TLR5: variants seen among roughly 807,000 people sequenced by gnomAD.
TLR5 encodes the protein toll-like receptor 5.
For missense variants in TLR5, 944 were observed against 999.8 expected (o/e 0.94, Z 0.75); for synonymous variants, 373 against 384.4 (o/e 0.97, Z 0.35).
Position 223,110,932 on chromosome 1 carries a change from G to T in TLR5, c.2100C>A (p.Ser700Arg), listed in dbSNP as rs1272582650. 6.2e-7 allele frequency: 1 copy of T among 1,614,124 alleles called. No homozygotes were observed. Among genetic ancestry groups the T allele is most frequent in the Non-Finnish European group, 8.5e-7 (1 of 1,180,060 alleles). Residue 700 changes from serine (S) to arginine (R), a missense_variant, in exon 6 of 6, where the codon AGC (serine) becomes AGA (arginine). Transcript: ENST00000642603. ...TCTGCACCCATGTGAAGTCTTTGCT[G>T]CTGAAGCACAAATAGGCATCATATT... Reference protein sequence around the residue: ...MYKYDAYLCFSSKDFTWVQNA... With the variant: ...MYKYDAYLCFRSKDFTWVQNA...
intron 3 of TLR5, among the ~76,000 whole-genome samples, chr1:223,136,471 G>A (rs1657618461): frequency 6.6e-6 from 1 of 152,192 alleles, no homozygotes; most frequent in Non-Finnish European, 1.5e-5. Flanking sequence ...AGAAAATAGA[G>A]GAGAGGCAGT....
At position 223,111,402 on chromosome 1, in the gene TLR5, T is replaced by C; in HGVS notation, c.1630A>G (p.Asn544Asp). ...NSNRLTVLSHNDLPANLEILD... is the reference protein window; with the variant it reads ...NSNRLTVLSHDDLPANLEILD... ...ATCTCTAAATTAGCAGGTAAATCAT[T>C]GTGAGAAAGAACTGTCAGCCTGTTG... The change falls in exon 6 of 6, where the codon AAT (asparagine) becomes GAT (aspartate). Residue 544 changes from asparagine to aspartate, a missense_variant. Asn to Asp is a conservative substitution (Grantham distance 23). Coordinates refer to ENST00000642603, the MANE Select transcript of TLR5 (RefSeq NM_003268.6). The C allele has an allele frequency of 6.2e-7, 1 of 1,614,204 alleles. No individual in the cohort carries two copies. Among genetic ancestry groups the C allele is most frequent in the South Asian group, 1.1e-5 (1 of 91,088 alleles).
intron 2 of TLR5, among the ~76,000 whole-genome samples, chr1:223,137,950 A>ATTTTTATT (rs1657677496): frequency 3.5e-5 from 3 of 84,538 alleles, no homozygotes; most frequent in Non-Finnish European, 6.2e-5. Flanking sequence ...GGCTTTTTAA[A>ATTTTTATT]TTTTTTTTTT....
In TLR5 at chr1:223,111,573, G is replaced by T. The variant is rs5744171; in HGVS notation, c.1459C>A (p.Leu487Ile). 8.6e-3 allele frequency: 13,867 copies of T among 1,614,142 alleles called. 80 individuals carry two copies. Among genetic ancestry groups the T allele is most frequent in the Middle Eastern group, 0.014 (85 of 6,062 alleles). ...CAACAGAGCTCAGTTTCCCAGGCAA[G>T]TTGCAACATATTTTCTCCAAGGAAA... Reference protein sequence around the residue: ...QLFLGENMLQLAWETELCWDV... With the variant: ...QLFLGENMLQIAWETELCWDV... Residue 487 changes from leucine (L) to isoleucine (I), a missense_variant, in exon 6 of 6, where the codon CTT (leucine) becomes ATT (isoleucine). Physicochemically the swap from Leu to Ile is conservative, Grantham distance 5 (BLOSUM62 2). Transcript: ENST00000642603.
chr1:223,110,503 C>CTTTTCT lies in TLR5; in HGVS notation c.2523_2528dup (p.Glu842_Lys843dup), dbSNP rs1289132220. The CTTTTCT allele has an allele frequency of 1.9e-6, 3 of 1,614,102 alleles. No individual in the cohort carries two copies. The East Asian group carries it at 6.7e-5, about 36-fold the overall frequency. On this transcript the variant is annotated inframe_insertion, in exon 6 of 6. Coordinates refer to ENST00000642603, the MANE Select transcript of TLR5 (RefSeq NM_003268.6). ...GCAACGGAATGTTATTGTCTTTCTTCTTTTCTTTTTCTTTCTTTAGTATCT... is the reference window on the plus strand; with the variant it reads ...GCAACGGAATGTTATTGTCTTTCTTCTTTTCTTTTTCTTTTTCTTTCTTTAGTATCT...
rs1253657931 is a variant in TLR5 at position 223,111,639 on chromosome 1, C to T, written c.1393G>A (p.Gly465Arg). The T allele has an allele frequency of 1.4e-5, 23 of 1,614,010 alleles. No homozygotes were observed. The highest frequency in any genetic ancestry group is 2.2e-5 in the East Asian group (1 of 44,876). The change falls in exon 6 of 6, where the codon GGA (glycine) becomes AGA (arginine). Residue 465 changes from glycine (G) to arginine (R), a missense_variant. Coordinates refer to ENST00000642603, the MANE Select transcript of TLR5 (RefSeq NM_003268.6). Reference sequence around the variant, plus strand: ...GGATTCTCTGAAGGGGTTTGATCTCCACTACAGGAGGAGAAGCGATTTTGA... The same window carrying T: ...GGATTCTCTGAAGGGGTTTGATCTCTACTACAGGAGGAGAAGCGATTTTGA... ...LNQNRFSSCS[G>R]DQTPSENPSL...
At chr1:223,125,645 TG>T (rs1186668452) in intron 5 of TLR5, among the ~76,000 whole-genome samples, 3 of 98,520 alleles carry the variant, frequency 3.0e-5, no homozygotes, top group Admixed American at 1.1e-4. Context: ...GTGGTGTTGG[TG>T]GGGGGGTGGT....
rs144352331 is a variant in TLR5 at position 223,109,474 on chromosome 1, G to GA, written c.*980dup. 6.6e-6 allele frequency: 1 copy of GA among 151,788 alleles called. No individual in the cohort carries two copies. The highest frequency in any genetic ancestry group is 1.5e-5 in the Non-Finnish European group (1 of 67,896). The allele number at this position is 151,788 out of a possible 1,614,324, so 9.4% of individuals were successfully genotyped here. A position where few individuals can be genotyped will look rare whatever the true frequency, so the allele number is the denominator to read the frequency against. On this transcript the variant is annotated 3_prime_UTR_variant, in exon 6 of 6. Coordinates refer to ENST00000642603, the MANE Select transcript of TLR5 (RefSeq NM_003268.6). ...CAGTGAAATTGCAACTGCCCCCCAG[G>GA]AGGCCTTCAGTGTATGTGTTCTCTT...
rs540365494 is a variant in TLR5, at chr1:223,135,596, G to A, written c.-352-732C>T. Among the ~76,000 whole-genome samples, 7 of 152,270 alleles carry A rather than the reference G, an allele frequency of 4.6e-5. No individual in the cohort carries two copies. In the South Asian group the frequency reaches 8.3e-4, roughly 18 times the overall value. ...TCCTCAGTTTCTGCATATGTATAAC[G>A]GTGAGTTTGAAATGGAAGCATTTTT... is the stretch of plus-strand genomic sequence containing the variant. On this transcript the variant is annotated intron_variant, in intron 3 of 5. Coordinates refer to ENST00000642603, the MANE Select transcript of TLR5 (RefSeq NM_003268.6).
chr1:223,132,190 T>C (rs936641330), intron 5 of TLR5, among the ~76,000 whole-genome samples: 2 of 151,998 alleles, frequency 1.3e-5, no homozygotes, highest in Non-Finnish European at 2.9e-5. Context: ...TAGTGAGACC[T>C]TGTCTCTACA....
chr1:223,134,897 G>T (rs575095022), intron 3 of TLR5, 33 bp from the exon 4 acceptor site: 1 of 152,348 alleles, frequency 6.6e-6, no homozygotes, highest in Non-Finnish European at 1.5e-5. Flanking sequence ...TCTGCTAAGC[G>T]CTGCAAAAAT....
At chr1:223,124,369 G>A (rs903521652) in intron 5 of TLR5, among the ~76,000 whole-genome samples, 12 of 151,724 alleles carry the variant, frequency 7.9e-5, no homozygotes, top group African/African-American at 2.9e-4. Flanking sequence ...CTTGAGCCCA[G>A]GAGGCAAAGG....
intron 5 of TLR5, among the ~76,000 whole-genome samples, chr1:223,115,855 G>A (rs992733637): frequency 6.6e-6 from 1 of 152,034 alleles, no homozygotes; most frequent in African/African-American, 2.4e-5. Flanking sequence ...AACGTTTGAG[G>A]GAAAGGAGCA....
In TLR5 at chr1:223,110,937, A is replaced by C. The variant is rs1435848538; in HGVS notation, c.2095T>G (p.Phe699Val). ...DMYKYDAYLC[F>V]SSKDFTWVQN... ...ACCCATGTGAAGTCTTTGCTGCTGA[A>C]GCACAAATAGGCATCATATTTGTAC... The change falls in exon 6 of 6, where the codon TTC (phenylalanine) becomes GTC (valine). Residue 699 changes from phenylalanine to valine, a missense_variant. Transcript: ENST00000642603. 2 of 1,614,242 alleles carry C rather than the reference A, an allele frequency of 1.2e-6. No individual in the cohort carries two copies. The highest frequency in any genetic ancestry group is 1.7e-5 in the Admixed American group (1 of 60,028).
At chr1:223,115,464 C>T (rs535536178) in intron 5 of TLR5, among the ~76,000 whole-genome samples, 41 of 152,224 alleles carry the variant, frequency 2.7e-4, no homozygotes, top group East Asian at 7.7e-4. Context: ...TGGCCCAGGA[C>T]GGTCTTGAAC....
intron 2 of TLR5, among the ~76,000 whole-genome samples, chr1:223,138,282 GGTTTTGTTTT>G (rs371367612): frequency 2.4e-3 from 358 of 151,856 alleles, no homozygotes; most frequent in Non-Finnish European, 2.1e-3. Flanking sequence ...TCTCCTTGTG[GGTTTTGTTTT>G]GTTTTGTTTT....
chr1:223,126,638 C>CGG (rs1657178537), intron 5 of TLR5, among the ~76,000 whole-genome samples: 1 of 152,200 alleles, frequency 6.6e-6, no homozygotes, highest in Non-Finnish European at 1.5e-5. Context: ...ATCCCAGTTA[C>CGG]TCTGAAGCTA....
At position 223,141,762 on chromosome 1, in the gene TLR5, G is replaced by A. The variant is rs1657850038; in HGVS notation, c.-553C>T. 1 of 140,274 alleles carries A rather than the reference G, an allele frequency of 7.1e-6. No individual in the cohort carries two copies. The allele number at this position is 140,274 out of a possible 1,614,324, so 8.7% of individuals were successfully genotyped here. ...CAGTCCAGCCTGGGCGGCAGAGTGA[G>A]ACTGTCTCAAAAAAAAAATTACATA... On this transcript the variant is annotated splice_region_variant and 5_prime_UTR_variant, in exon 2 of 6. Coordinates refer to ENST00000642603, the MANE Select transcript of TLR5 (RefSeq NM_003268.6).
At chr1:223,125,131 AAT>A (rs1657115334) in intron 5 of TLR5, among the ~76,000 whole-genome samples, 1 of 152,178 alleles carries the variant, frequency 6.6e-6, no homozygotes, top group Non-Finnish European at 1.5e-5. Flanking sequence ...CACATTCTTG[AAT>A]ATGTTAATAT....
Sources: gnomAD v4.1 joint callset for allele counts (sites outside exome capture counted in the v4.1 genomes callset) on GRCh38, gnomAD v4.1.1 for gene constraint, MANE v1.5 for transcripts, NCBI Gene and HGNC (gene_info 2026-07-23, HGNC 2026-07-21) for gene names.